The following MTCL2 variants were observed in gnomAD, a reference collection of about 807,000 sequenced individuals.
MTCL2 encodes microtubule crosslinking factor 2, also known as microtubule cross-linking factor 2.
chr20:36,785,489 C>T, the MTCL2 span: 10 of 985,286 alleles, frequency 1.0e-5, no homozygotes, highest in Admixed American at 3.7e-4. Flanking sequence ...GCTCTGGCCT[C>T]TTGGTGTTCT....
chr20:36,799,575 C>A, the MTCL2 span, among the ~76,000 whole-genome samples: 6 of 151,064 alleles, frequency 4.0e-5, no homozygotes, highest in African/African-American at 1.2e-4. Context: ...CCCAGCTGCA[C>A]GAGAGGTTGA....
At chr20:36,858,461 AAAACACACACACACACACACACACAC>A in the MTCL2 span, among the ~76,000 whole-genome samples, 115 of 42,218 alleles carry the variant, frequency 2.7e-3, 5 homozygotes, top group Middle Eastern at 0.012. Context: ...CCAAGGAGGG[AAAACACACACACACACACACACACAC>A]ACACACACAC....
the MTCL2 span, chr20:36,797,407 C>A: frequency 5.4e-6 from 7 of 1,292,832 alleles, no homozygotes; most frequent in South Asian, 9.2e-5. Context: ...ACCTATGAGA[C>A]AGGGTTAGCA....
chr20:36,795,878 A>T, the MTCL2 span, among the ~76,000 whole-genome samples: 2 of 152,118 alleles, frequency 1.3e-5, no homozygotes, highest in Non-Finnish European at 2.9e-5. Flanking sequence ...CCCTCAACAA[A>T]CAATAGGTGG....
the MTCL2 span, chr20:36,863,315 G>A: frequency 8.5e-7 from 1 of 1,182,652 alleles, no homozygotes; most frequent in South Asian, 4.2e-5. The surrounding 1 kb of genome is among the most constrained non-coding windows in gnomAD (Gnocchi z 6.2). Context: ...CGCAGCCCCG[G>A]ACCGGGGGCT....
chr20:36,824,444 A>C, the MTCL2 span, among the ~76,000 whole-genome samples: 1 of 152,128 alleles, frequency 6.6e-6, no homozygotes, highest in African/African-American at 2.4e-5. Context: ...TGGATGAAGC[A>C]TCCAGAACAG....
the MTCL2 span, among the ~76,000 whole-genome samples, chr20:36,853,853 G>A: frequency 2.6e-5 from 4 of 152,148 alleles, no homozygotes; most frequent in Non-Finnish European, 4.4e-5. Flanking sequence ...GATATCCACA[G>A]GCCCTACGGC....
the MTCL2 span, among the ~76,000 whole-genome samples, chr20:36,834,076 T>C: frequency 2.0e-5 from 3 of 151,052 alleles, no homozygotes; most frequent in African/African-American, 7.3e-5. Context: ...GGCAGGAGAA[T>C]TGCTTGAACC....
At chr20:36,836,651 A>AT in the MTCL2 span, among the ~76,000 whole-genome samples, 12 of 151,518 alleles carry the variant, frequency 7.9e-5, no homozygotes, top group African/African-American at 1.9e-4. Context: ...GCCTCTGCTA[A>AT]TTTTTTTTAT....
the MTCL2 span, among the ~76,000 whole-genome samples, chr20:36,837,547 CATTATTATTATTATTATT>C: frequency 2.4e-4 from 30 of 125,278 alleles, no homozygotes; most frequent in South Asian, 4.7e-4. Context: ...ATTTTACCCA[CATTATTATTATTATTATT>C]ATTATTATTA....
chr20:36,821,359 T>C, the MTCL2 span, among the ~76,000 whole-genome samples: 3 of 151,344 alleles, frequency 2.0e-5, no homozygotes, highest in African/African-American at 7.3e-5. Context: ...CCGTCTCTAC[T>C]AAAAATACAA....
chr20:36,837,545 C>CTT, the MTCL2 span, among the ~76,000 whole-genome samples: 2 of 119,924 alleles, frequency 1.7e-5, no homozygotes, highest in Non-Finnish European at 3.4e-5. Flanking sequence ...GCATTTTACC[C>CTT]ACATTATTAT....
At chr20:36,794,754 T>C in the MTCL2 span, 1 of 927,408 alleles carries the variant, frequency 1.1e-6, no homozygotes. The surrounding 1 kb of genome is among the most constrained non-coding windows in gnomAD (Gnocchi z 5.4). Context: ...CAGTCCCACA[T>C]TCTGTCTGCA....
chr20:36,862,667 G>GTC, the MTCL2 span: 1 of 1,498,822 alleles, frequency 6.7e-7, no homozygotes, highest in Non-Finnish European at 8.9e-7. Context: ...CCTTGAGATA[G>GTC]TCGTTCTCCG....
the MTCL2 span, chr20:36,794,006 C>T: frequency 3.9e-6 from 6 of 1,551,632 alleles, no homozygotes; most frequent in South Asian, 5.9e-5. This position sits in a 1 kb window ranked among gnomAD's most constrained non-coding sequence, Gnocchi z 5.4. Flanking sequence ...CTCCAGTGAG[C>T]CGGAGCGCAT....
the MTCL2 span, among the ~76,000 whole-genome samples, chr20:36,789,045 A>G: frequency 1.3e-5 from 2 of 152,038 alleles, no homozygotes; most frequent in Non-Finnish European, 2.9e-5. Context: ...ACCTCAGGTG[A>G]TTGGGTGAGC....
the MTCL2 span, among the ~76,000 whole-genome samples, chr20:36,825,049 C>T: frequency 1.4e-5 from 2 of 145,688 alleles, no homozygotes; most frequent in African/African-American, 2.4e-5. Context: ...AAGCAATTCT[C>T]CTCCTATTTC....
At chr20:36,824,925 T>C in the MTCL2 span, among the ~76,000 whole-genome samples, 1 of 150,756 alleles carries the variant, frequency 6.6e-6, no homozygotes, top group African/African-American at 2.4e-5. Flanking sequence ...AAGTGCTGTG[T>C]CTGGTCTGAA....
chr20:36,831,437 G>C, the MTCL2 span, among the ~76,000 whole-genome samples: 1 of 152,200 alleles, frequency 6.6e-6, no homozygotes, highest in Non-Finnish European at 1.5e-5. Flanking sequence ...GGGGCAGAGA[G>C]CCCAGCAACC....
Sources: allele counts gnomAD v4.1 joint callset (sites outside exome capture counted in the v4.1 genomes callset), GRCh38; gene constraint gnomAD v4.1.1; non-coding constraint Gnocchi (gnomAD v3.1); transcripts MANE v1.5; gene names NCBI Gene and HGNC (gene_info 2026-07-23, HGNC 2026-07-21).